PTPRD: variants seen among roughly 807,000 people sequenced by gnomAD.
PTPRD encodes protein tyrosine phosphatase receptor type D.
In PTPRD, 34 loss-of-function variants were observed where a neutral mutation model predicts 214.5. The observed-to-expected ratio is 0.16, with a 90% CI of 0.12 to 0.21. The LOEUF (loss-of-function observed/expected upper bound fraction) is 0.21, where lower values mean the gene tolerates loss of function less well. PTPRD is among the 10% of genes least tolerant of loss of function. The pLI is 1.00. For missense variants in PTPRD, 2,545 were observed against 2,398.7 expected (o/e 1.06, Z -1.27); for synonymous variants, 1,128 against 845.7 (o/e 1.33, Z -5.79).
At chr9:10,133,703 A>G (rs1386950040) in intron 3 of PTPRD, among the ~76,000 whole-genome samples, 1 of 152,190 alleles carries the variant, frequency 6.6e-6, no homozygotes, top group Non-Finnish European at 1.5e-5. Flanking sequence ...AGATAGTAAC[A>G]AAGTTAATTA....
chr9:10,287,243 T>C (rs1324797431), intron 3 of PTPRD, among the ~76,000 whole-genome samples: 3 of 152,170 alleles, frequency 2.0e-5, no homozygotes, highest in Non-Finnish European at 4.4e-5. Flanking sequence ...GTGCTAACTG[T>C]GATACTTTTA....
At chr9:9,926,339 C>A (rs984003778) in intron 5 of PTPRD, among the ~76,000 whole-genome samples, 1 of 151,956 alleles carries the variant, frequency 6.6e-6, no homozygotes, top group East Asian at 1.9e-4. Flanking sequence ...GATATTAAGA[C>A]AGAAAGGGAT....
chr9:8,438,314 T>C (rs2095427682), intron 34 of PTPRD, among the ~76,000 whole-genome samples: 1 of 152,158 alleles, frequency 6.6e-6, no homozygotes, highest in Non-Finnish European at 1.5e-5. Flanking sequence ...GTGTTGTGAA[T>C]TGTGGTGGTT....
intron 14 of PTPRD, among the ~76,000 whole-genome samples, chr9:8,593,580 T>C (rs547795115): frequency 6.6e-6 from 1 of 152,342 alleles, no homozygotes; most frequent in South Asian, 2.1e-4. Context: ...AGAAACATCT[T>C]ACCAATGTGG....
chr9:10,603,849 A>G (rs1223623561), intron 2 of PTPRD, among the ~76,000 whole-genome samples: 1 of 151,900 alleles, frequency 6.6e-6, no homozygotes, highest in Non-Finnish European at 1.5e-5. Flanking sequence ...AAAAAAGTGT[A>G]ATTACATACT....
intron 11 of PTPRD, among the ~76,000 whole-genome samples, chr9:8,800,829 CT>C (rs1231913379): frequency 1.3e-5 from 2 of 152,280 alleles, no homozygotes; most frequent in African/African-American, 4.8e-5. Flanking sequence ...ATTGGGACCC[CT>C]TTCCTGTAAC....
chr9:8,506,892 A>G (rs1157806029), intron 22 of PTPRD, among the ~76,000 whole-genome samples: 3 of 152,178 alleles, frequency 2.0e-5, no homozygotes, highest in Admixed American at 1.3e-4. Flanking sequence ...CATCTAGCCA[A>G]GGACTTTCAT....
intron 10 of PTPRD, among the ~76,000 whole-genome samples, chr9:9,054,667 A>T (rs1443860334): frequency 6.6e-6 from 1 of 152,164 alleles, no homozygotes; most frequent in African/African-American, 2.4e-5. Flanking sequence ...GCTTGGAACT[A>T]TTCACTATTA....
At chr9:9,004,691 C>T (rs911211875) in intron 11 of PTPRD, among the ~76,000 whole-genome samples, 4 of 151,964 alleles carry the variant, frequency 2.6e-5, no homozygotes, top group African/African-American at 9.7e-5. Context: ...GCAAAACTGC[C>T]TGCGGAGGGC....
At chr9:8,333,915 C>T (rs570117180) in intron 43 of PTPRD, among the ~76,000 whole-genome samples, 20 of 151,996 alleles carry the variant, frequency 1.3e-4, no homozygotes, top group Non-Finnish European at 2.6e-4. Flanking sequence ...TTTAAACCAA[C>T]AAAGATCAAA....
intron 7 of PTPRD, among the ~76,000 whole-genome samples, chr9:9,692,260 C>T (rs569135074): frequency 6.6e-6 from 1 of 152,044 alleles, no homozygotes; most frequent in East Asian, 1.9e-4. Context: ...AGTTTGAGGT[C>T]TTAGATTTAT....
At chr9:9,872,424 A>G (rs140372263) in intron 5 of PTPRD, among the ~76,000 whole-genome samples, 143 of 152,186 alleles carry the variant, frequency 9.4e-4, no homozygotes, top group Middle Eastern at 6.8e-3. Flanking sequence ...ACATAGTGAG[A>G]CCCTGTCTCT....
chr9:8,838,037 T>C (rs1010881880), intron 11 of PTPRD, among the ~76,000 whole-genome samples: 1 of 152,114 alleles, frequency 6.6e-6, no homozygotes, highest in South Asian at 2.1e-4. Flanking sequence ...CTGAAGTTCA[T>C]GTCAATGAAT....
At chr9:10,468,460 T>G (rs1276400610) in intron 2 of PTPRD, among the ~76,000 whole-genome samples, 1 of 152,036 alleles carries the variant, frequency 6.6e-6, no homozygotes, top group Non-Finnish European at 1.5e-5. Context: ...TGAGAACACA[T>G]GGACACCGGG....
chr9:8,571,541 C>CA (rs1176288529), intron 14 of PTPRD, among the ~76,000 whole-genome samples: 1 of 152,018 alleles, frequency 6.6e-6, no homozygotes, highest in East Asian at 1.9e-4. Context: ...TTAAGCAGTC[C>CA]AAAAATCAAT....
intron 2 of PTPRD, among the ~76,000 whole-genome samples, chr9:10,429,030 A>G (rs2154519908): frequency 6.6e-6 from 1 of 152,188 alleles, no homozygotes; most frequent in Non-Finnish European, 1.5e-5. Context: ...AGTGGAAGAT[A>G]CTATCATCAA....
intron 3 of PTPRD, among the ~76,000 whole-genome samples, chr9:10,100,297 A>G: frequency 6.6e-6 from 1 of 151,836 alleles, no homozygotes; most frequent in South Asian, 2.1e-4. Flanking sequence ...TATGAAGTCT[A>G]AATACCATAT....
intron 7 of PTPRD, among the ~76,000 whole-genome samples, chr9:9,656,297 A>G (rs994494901): frequency 6.6e-5 from 10 of 152,212 alleles, no homozygotes; most frequent in African/African-American, 2.4e-4. Flanking sequence ...TTATGTCCAC[A>G]TAAAATCCTA....
intron 3 of PTPRD, among the ~76,000 whole-genome samples, chr9:10,265,019 C>A (rs2093960735): frequency 6.6e-6 from 1 of 152,142 alleles, no homozygotes; most frequent in South Asian, 2.1e-4. Flanking sequence ...TCACCTTCCA[C>A]CATGACTGTG....
Sources: allele counts gnomAD v4.1 joint callset (sites outside exome capture counted in the v4.1 genomes callset), GRCh38; gene constraint gnomAD v4.1.1; transcripts MANE v1.5; gene names NCBI Gene and HGNC (gene_info 2026-07-23, HGNC 2026-07-21).